Variants in LGR5 observed in about 807,000 individuals in gnomAD.
LGR5 encodes leucine-rich repeat-containing G protein-coupled receptor 5.
In LGR5, 54 loss-of-function variants were observed where a neutral mutation model predicts 76.7. The observed-to-expected ratio is 0.70, with a 90% CI of 0.57 to 0.88. LGR5 has a LOEUF of 0.88. Among genes scored for constraint, LGR5 ranks in the 40% least tolerant of loss-of-function variants. The pLI is 0.00. For synonymous variants in LGR5, 406 were observed against 421.9 expected (o/e 0.96, Z 0.46); for missense variants, 1,078 against 1,073.3 (o/e 1.00, Z -0.06).
chr12:71,577,598 C>T (rs1222927754), intron 13 of LGR5, among the ~76,000 whole-genome samples: 1 of 152,122 alleles, frequency 6.6e-6, no homozygotes, highest in Admixed American at 6.6e-5. Flanking sequence ...AGTTTCTGTC[C>T]CTTCCCACAG....
intron 4 of LGR5, among the ~76,000 whole-genome samples, chr12:71,546,066 A>G (rs1393464076): frequency 1.3e-5 from 2 of 152,194 alleles, no homozygotes; most frequent in Non-Finnish European, 2.9e-5. Context: ...GAGGCCTAGC[A>G]CTTTGGGAGG....
intron 1 of LGR5, among the ~76,000 whole-genome samples, chr12:71,481,867 A>C (rs1873622436): frequency 1.3e-5 from 2 of 152,146 alleles, no homozygotes; most frequent in African/African-American, 4.8e-5. Flanking sequence ...TGGAACCATT[A>C]GGTGCAGCCA....
At chr12:71,487,503 C>T (rs1337645508) in intron 1 of LGR5, among the ~76,000 whole-genome samples, 1 of 152,174 alleles carries the variant, frequency 6.6e-6, no homozygotes, top group Non-Finnish European at 1.5e-5. Flanking sequence ...CGGCCTCAAA[C>T]TCCTGGGCTC....
intron 4 of LGR5, among the ~76,000 whole-genome samples, chr12:71,537,953 A>T (rs1249778706): frequency 1.4e-5 from 2 of 145,604 alleles, no homozygotes; most frequent in Admixed American, 6.8e-5. Flanking sequence ...TTTTCTTTTC[A>T]CTCTCTTGAA....
At chr12:71,564,699 CACACACTGTATATATACATAT>C (rs1878234935) in intron 8 of LGR5, among the ~76,000 whole-genome samples, 1 of 13,936 alleles carries the variant, frequency 7.2e-5, no homozygotes, top group Non-Finnish European at 7.1e-4. Context: ...CATATATGTA[CACACACTGTATATATACATAT>C]ATACATATAT....
intron 4 of LGR5, among the ~76,000 whole-genome samples, chr12:71,545,183 C>A (rs758507207): frequency 6.6e-5 from 10 of 152,150 alleles, no homozygotes; most frequent in Non-Finnish European, 1.3e-4. Flanking sequence ...CAGTGGCTCA[C>A]CCCTGTAGTC....
chr12:71,483,928 G>C (rs185859554), intron 1 of LGR5, among the ~76,000 whole-genome samples: 85 of 152,272 alleles, frequency 5.6e-4, no homozygotes, highest in African/African-American at 1.9e-3. Context: ...GAGGTTTCTA[G>C]CTTGATCAAT....
intron 16 of LGR5, among the ~76,000 whole-genome samples, chr12:71,580,931 T>G (rs568508177): frequency 1.3e-5 from 2 of 152,220 alleles, no homozygotes; most frequent in Non-Finnish European, 2.9e-5. Flanking sequence ...TAGCTCAGGA[T>G]TTATCCTAAA....
intron 1 of LGR5, among the ~76,000 whole-genome samples, chr12:71,491,121 G>T (rs1214303296): frequency 6.6e-6 from 1 of 152,072 alleles, no homozygotes; most frequent in African/African-American, 2.4e-5. Flanking sequence ...CTCCTCCTTT[G>T]CCTTCTGCTA....
chr12:71,521,756 T>C lies in LGR5; in HGVS notation c.285-2650T>C, dbSNP rs188171886. 1.3e-3 allele frequency among the ~76,000 whole-genome samples: 200 copies of C among 152,290 alleles called. 1 individual carries two copies. Among genetic ancestry groups the C allele is most frequent in the African/African-American group, 4.7e-3 (195 of 41,582 alleles). On this transcript the variant is annotated intron_variant, in intron 2 of 17. Coordinates refer to ENST00000266674, the MANE Select transcript of LGR5 (RefSeq NM_003667.4). Reference sequence around the variant, plus strand: ...ACTCAACTGATTAGTCAGGCACTACTGGGGCAACCTACTTTCAGACAGTAT... The same window carrying C: ...ACTCAACTGATTAGTCAGGCACTACCGGGGCAACCTACTTTCAGACAGTAT...
intron 1 of LGR5, among the ~76,000 whole-genome samples, chr12:71,486,376 T>C (rs1399245878): frequency 6.6e-6 from 1 of 152,060 alleles, no homozygotes; most frequent in Non-Finnish European, 1.5e-5. Flanking sequence ...TTAAAAAATA[T>C]TAAAAACCTG....
intron 15 of LGR5, 151 bp from the exon 16 acceptor site, chr12:71,580,127 T>G: frequency 1.8e-6 from 1 of 554,854 alleles, no homozygotes; most frequent in South Asian, 4.1e-5. Context: ...AATAGCACTG[T>G]AATGAACACC....
At chr12:71,494,936 T>C (rs900142628) in intron 1 of LGR5, among the ~76,000 whole-genome samples, 4 of 150,930 alleles carry the variant, frequency 2.7e-5, no homozygotes, top group African/African-American at 9.9e-5. Flanking sequence ...GGACACAAAT[T>C]GTGGAGCTTG....
At chr12:71,494,119 AC>A (rs376481450) in intron 1 of LGR5, among the ~76,000 whole-genome samples, 7,108 of 149,868 alleles carry the variant, frequency 0.047, 296 homozygotes, top group Middle Eastern at 0.11. Flanking sequence ...AATTTTTTAT[AC>A]TTTTTTTAGT....
intron 4 of LGR5, among the ~76,000 whole-genome samples, chr12:71,545,783 A>G (rs1018978893): frequency 6.6e-6 from 1 of 152,170 alleles, no homozygotes; most frequent in Non-Finnish European, 1.5e-5. Context: ...CATATATGAG[A>G]TATGTATAAA....
intron 5 of LGR5, among the ~76,000 whole-genome samples, chr12:71,556,378 A>G (rs1272664482): frequency 3.3e-5 from 5 of 152,102 alleles, no homozygotes; most frequent in African/African-American, 1.2e-4. Flanking sequence ...TATGTTCCTC[A>G]TATTATTATA....
intron 3 of LGR5, among the ~76,000 whole-genome samples, chr12:71,532,848 A>G (rs34741577): frequency 0.094 from 14,244 of 151,454 alleles, 721 homozygotes; most frequent in Non-Finnish European, 0.11. Flanking sequence ...AGGTAGGACT[A>G]TAAGTACATG....
chr12:71,540,497 C>G (rs533146382), intron 4 of LGR5, among the ~76,000 whole-genome samples: 2 of 152,296 alleles, frequency 1.3e-5, no homozygotes, highest in South Asian at 4.1e-4. Flanking sequence ...GCCTGGCACA[C>G]CAGCTGCCCA....
chr12:71,524,532 C>T, intron 3 of LGR5, 55 bp downstream of exon 3: 2 of 1,237,142 alleles, frequency 1.6e-6, no homozygotes, highest in Middle Eastern at 1.9e-4. Context: ...CAAATGGCTG[C>T]TAATTAACTT....
Sources: gnomAD v4.1 joint callset for allele counts (sites outside exome capture counted in the v4.1 genomes callset) on GRCh38, gnomAD v4.1.1 for gene constraint, MANE v1.5 for transcripts, NCBI Gene and HGNC (gene_info 2026-07-23, HGNC 2026-07-21) for gene names.